Variants in PRDM9 observed in about 807,000 individuals in gnomAD.
The protein encoded by PRDM9 is histone-lysine N-methyltransferase PRDM9.
PRDM9 carries 47 observed loss-of-function variants against 55.6 expected under a neutral mutation model. That is an observed-to-expected ratio of 0.85 (90% CI 0.67 to 1.08). The LOEUF is 1.08. Among genes scored for constraint, PRDM9 ranks in the 50% least tolerant of loss-of-function variants. The pLI, the probability that PRDM9 is intolerant of heterozygous loss-of-function variation, is 0.00. For synonymous variants in PRDM9, 312 were observed against 375.7 expected (o/e 0.83, Z 1.96); for missense variants, 867 against 1,040.3 (o/e 0.83, Z 2.29).
At chr5:23,508,924 C>T (rs1739033815) in intron 1 of PRDM9, 26 bp from the exon 2 acceptor site, 1 of 1,328,794 alleles carries the variant, frequency 7.5e-7, no homozygotes, top group Non-Finnish European at 1.1e-6. Flanking sequence ...GCTGTTGCCC[C>T]CTCTCAGCAC....
chr5:23,507,233 C>G (rs1738992058), upstream of PRDM9: 1 of 152,402 alleles, frequency 6.6e-6, no homozygotes, highest in Non-Finnish European at 1.5e-5. Context: ...CAAAAAGACA[C>G]AGTGTCCCCT....
rs544740138 is a variant in PRDM9 at position 23,527,910 on chromosome 5, C to A, written c.*137C>A. On this transcript the variant is annotated 3_prime_UTR_variant, in exon 11 of 11. Transcript: ENST00000296682. ...ATATTCCCCGAGAGTATAAAGAGATCGGAAATAACTGATTAAACAAATCCG... is the reference window on the plus strand; with the variant it reads ...ATATTCCCCGAGAGTATAAAGAGATAGGAAATAACTGATTAAACAAATCCG... 128 of 1,114,934 alleles carry A rather than the reference C, an allele frequency of 1.1e-4. No homozygotes were observed. In the African/African-American group the frequency reaches 1.5e-3, roughly 13 times the overall value. The allele number at this position is 1,114,934 out of a possible 1,614,324, so 69.1% of individuals were successfully genotyped here. A position where few individuals can be genotyped will look rare whatever the true frequency, so the allele number is the denominator to read the frequency against.
chr5:23,523,222 A>G (rs1185538021), intron 8 of PRDM9, 69 bp from the exon 9 acceptor site: 3 of 1,532,996 alleles, frequency 2.0e-6, no homozygotes, highest in East Asian at 4.5e-5. Context: ...CATTGACGAC[A>G]GTGGAGTAAA....
intron 2 of PRDM9, 125 bp downstream of exon 2, chr5:23,509,227 T>A: frequency 1.4e-6 from 2 of 1,398,618 alleles, no homozygotes; most frequent in Non-Finnish European, 2.0e-6. Context: ...CAGCTGGTCC[T>A]GGCCAGGACA....
chr5:23,519,887 T>A (rs1457281091), intron 5 of PRDM9, among the ~76,000 whole-genome samples: 1 of 150,518 alleles, frequency 6.6e-6, no homozygotes, highest in Non-Finnish European at 1.5e-5. Flanking sequence ...CTACTAAAAC[T>A]ACAAAAATCA....
intron 5 of PRDM9, 78 bp from the exon 6 acceptor site, chr5:23,520,945 C>T: frequency 6.7e-7 from 1 of 1,492,298 alleles, no homozygotes; most frequent in Non-Finnish European, 9.3e-7. Flanking sequence ...TAGAGTCATG[C>T]ATATGAAAAC....
chr5:23,522,406 G>T lies in PRDM9; in HGVS notation c.610+1G>T. On this transcript the variant is annotated splice_donor_variant, in intron 7 of 10. Coordinates refer to ENST00000296682, the MANE Select transcript of PRDM9 (RefSeq NM_020227.4). LOFTEE classifies it high-confidence loss of function. The stretch of plus-strand genomic sequence containing the variant: ...GAGCCGCAGGATGATGATTACCTCT[G>T]TAAGTGACACTTTTGGCCACTCACA... 1 of 1,612,976 alleles carries T rather than the reference G, an allele frequency of 6.2e-7. No homozygotes were observed. The highest frequency in any genetic ancestry group is 8.5e-7 in the Non-Finnish European group (1 of 1,178,926).
At position 23,522,735 on chromosome 5, in the gene PRDM9, A is replaced by G. The variant is rs539236774; in HGVS notation, c.732A>G (p.Pro244=). The G allele has an allele frequency of 6.2e-7, 1 of 1,614,194 alleles. No individual in the cohort carries two copies. Among genetic ancestry groups the G allele is most frequent in the Admixed American group, 1.7e-5 (1 of 60,024 alleles). ...ACCGTTCAGCCCTCAGTCTGCCCCC[A>G]GGGCTGAGAATTGGGCCATCAGGCA... ...HPNRSALSLP[P]GLRIGPSGIP... The change falls in exon 8 of 11, where the codon CCA becomes CCG. Residue 244 remains proline, a synonymous_variant. Transcript: ENST00000296682.
In PRDM9 at chr5:23,527,539, A is replaced by G. The variant is rs767936575; in HGVS notation, c.2451A>G (p.Ser817=). 3.2e-6 allele frequency: 5 copies of G among 1,557,026 alleles called. No individual in the cohort carries two copies. The Admixed American group carries it at 7.3e-5, about 23-fold the overall frequency. Residue 817 remains serine, a synonymous_variant, in exon 11 of 11, where the codon TCA becomes TCG. Transcript: ENST00000296682. ...GTGGGCGGGGCTTTAGCAATAAGTC[A>G]CACCTCCTCAGACACCAGAGGACAC... ...RECGRGFSNK[S]HLLRHQRTHT...
At chr5:23,511,194 T>G (rs548578922) in intron 4 of PRDM9, among the ~76,000 whole-genome samples, 2 of 152,050 alleles carry the variant, frequency 1.3e-5, no homozygotes, top group Admixed American at 1.3e-4. Context: ...GAAACCAGCC[T>G]GGGTTTAGGT....
Position 23,522,624 on chromosome 5 carries a change from G to A in PRDM9, c.621G>A (p.Met207Ile). 11 of 1,614,240 alleles carry A rather than the reference G, an allele frequency of 6.8e-6. No individual in the cohort carries two copies. Among genetic ancestry groups the A allele is most frequent in the Non-Finnish European group, 8.5e-6 (10 of 1,180,048 alleles). ...TTCCCTCACTTCCAGATTGTGAGAT[G>A]TGTCAGAACTTCTTCATTGACAGCT... Reference protein sequence around the residue: ...PQDDDYLYCEMCQNFFIDSCA... With the variant: ...PQDDDYLYCEICQNFFIDSCA... Residue 207 changes from methionine (M) to isoleucine (I), a missense_variant, in exon 8 of 11, where the codon ATG becomes ATA. Transcript: ENST00000296682.
chr5:23,523,344 G>T lies in PRDM9; in HGVS notation c.936G>T (p.Trp312Cys). 1.9e-6 allele frequency: 3 copies of T among 1,613,488 alleles called. No individual in the cohort carries two copies. The highest frequency in any genetic ancestry group is 2.5e-6 in the Non-Finnish European group (3 of 1,179,532). Reference protein sequence around the residue: ...YEYVDGKDKSWANWMRYVNCA... With the variant: ...YEYVDGKDKSCANWMRYVNCA... ...ATGTGGATGGAAAAGATAAATCCTG[G>T]GCCAACTGGATGAGGTAAGGCCAGT... The change falls in exon 9 of 11, where the codon TGG becomes TGT. Residue 312 changes from tryptophan (W) to cysteine (C), a missense_variant. Transcript: ENST00000296682.
rs373336006 is a variant in PRDM9 at position 23,526,519 on chromosome 5, T to C, written c.1431T>C (p.Ser477=). 54 of 1,613,962 alleles carry C rather than the reference T, an allele frequency of 3.3e-5. No individual in the cohort carries two copies. In the African/African-American group the frequency reaches 6.3e-4, roughly 19 times the overall value. The stretch of plus-strand genomic sequence containing the variant: ...AGAGGGAGATTTCAAGGGCCTTTTC[T>C]AGCCCACCCAAAGGACAAATGGGGA... ...TWQREISRAF[S]SPPKGQMGSC... is the part of the protein sequence containing the mutation. The change falls in exon 11 of 11, where the codon TCT becomes TCC. Residue 477 remains serine, a synonymous_variant. Coordinates refer to ENST00000296682, the MANE Select transcript of PRDM9 (RefSeq NM_020227.4).
At chr5:23,518,211 T>C (rs1051131464) in intron 5 of PRDM9, among the ~76,000 whole-genome samples, 4 of 152,214 alleles carry the variant, frequency 2.6e-5, no homozygotes, top group Non-Finnish European at 5.9e-5. Context: ...ATAGTACCTA[T>C]TAAGTAGATG....
Position 23,523,341 on chromosome 5 carries a change from C to T in PRDM9, c.933C>T (p.Ser311=), listed in dbSNP as rs779305303. The T allele has an allele frequency of 6.8e-6, 11 of 1,613,620 alleles. No homozygotes were observed. The South Asian group carries it at 1.1e-4, about 16-fold the overall frequency. The change falls in exon 9 of 11, where the codon TCC becomes TCT. Residue 311 remains serine, a synonymous_variant. Coordinates refer to ENST00000296682, the MANE Select transcript of PRDM9 (RefSeq NM_020227.4). ...CYEYVDGKDK[S]WANWMRYVNC... is the part of the protein sequence containing the mutation. ...AGTATGTGGATGGAAAAGATAAATC[C>T]TGGGCCAACTGGATGAGGTAAGGCC...
chr5:23,509,676 G>T lies in PRDM9; in HGVS notation c.193+83G>T, dbSNP rs1739052187. On this transcript the variant is annotated intron_variant, in intron 3 of 10. Transcript: ENST00000296682. ...CCTATATTATTTTAGTTCTCAGGTG[G>T]TGGCATCTGCCCACAATTCCCTTTT... 1.9e-6 allele frequency: 3 copies of T among 1,604,918 alleles called. No homozygotes were observed. In the South Asian group the frequency reaches 3.3e-5, roughly 18 times the overall value.
In PRDM9 at chr5:23,507,680, T is replaced by C. The variant is rs1739011199; in HGVS notation, c.-117T>C. On this transcript the variant is annotated 5_prime_UTR_variant, in exon 1 of 11. The change abolishes an upstream ATG in the 5' untranslated region. Transcript: ENST00000296682. ...AGAGCACGGGAGATTGTGAAGAGCA[T>C]GGGGAGCCTTTGTCGTGCAGCGTGA... 6.6e-6 allele frequency: 1 copy of C among 152,214 alleles called. No homozygotes were observed. The highest frequency in any genetic ancestry group is 2.4e-5 in the African/African-American group (1 of 41,434). The allele number at this position is 152,214 out of a possible 1,614,324, so 9.4% of individuals were successfully genotyped here. A position where few individuals can be genotyped will look rare whatever the true frequency, so the allele number is the denominator to read the frequency against.
Position 23,508,935 on chromosome 5 carries a change from C to A in PRDM9, c.-84-15C>A. 1 of 1,438,270 alleles carries A rather than the reference C, an allele frequency of 7.0e-7. No homozygotes were observed. Among genetic ancestry groups the A allele is most frequent in the Non-Finnish European group, 9.6e-7 (1 of 1,039,012 alleles). 89.1% of individuals were successfully genotyped at this position (1,438,270 alleles called of 1,614,324 possible). On this transcript the variant is annotated splice_polypyrimidine_tract_variant and intron_variant, in intron 1 of 10. Transcript: ENST00000296682. Reference sequence around the variant, plus strand: ...CAGGGCTGTTGCCCCCTCTCAGCACCTTCTCCTTCCACAGGAGCCTTTGGC... The same window carrying A: ...CAGGGCTGTTGCCCCCTCTCAGCACATTCTCCTTCCACAGGAGCCTTTGGC...
At chr5:23,524,105 G>T (rs1240473711) in intron 9 of PRDM9, among the ~76,000 whole-genome samples, 1 of 152,162 alleles carries the variant, frequency 6.6e-6, no homozygotes, top group Admixed American at 6.5e-5. Context: ...GGTTGATTAG[G>T]CATGGCAGGG....
Sources: allele counts gnomAD v4.1 joint callset (sites outside exome capture counted in the v4.1 genomes callset), GRCh38; gene constraint gnomAD v4.1.1; transcripts MANE v1.5; gene names NCBI Gene and HGNC (gene_info 2026-07-23, HGNC 2026-07-21).